RERE: variants seen among roughly 807,000 people sequenced by gnomAD.
The protein encoded by RERE is arginine-glutamic acid dipeptide repeats protein.
Under a neutral mutation model 146.1 loss-of-function variants are expected in RERE, and 40 were observed. The observed-to-expected ratio is 0.27, with a 90% CI of 0.21 to 0.36. The LOEUF is 0.36. RERE is among the 10% of genes least tolerant of loss of function. The pLI, the probability that RERE is intolerant of heterozygous loss-of-function variation, is 1.00. For synonymous variants in RERE, 1,003 were observed against 866.0 expected (o/e 1.16, Z -2.78); for missense variants, 1,933 against 2,138.7 (o/e 0.90, Z 1.90).
At chr1:8,609,897 T>C (rs1170287312) in intron 4 of RERE, among the ~76,000 whole-genome samples, 1 of 152,092 alleles carries the variant, frequency 6.6e-6, no homozygotes, top group Admixed American at 6.5e-5. Context: ...GCCTCCTGAG[T>C]AGCTGCAACT....
intron 12 of RERE, among the ~76,000 whole-genome samples, chr1:8,390,471 G>C (rs866968654): frequency 3.9e-5 from 6 of 152,210 alleles, no homozygotes; most frequent in African/African-American, 7.2e-5. Context: ...AGTCCGAACT[G>C]TATCAATAAC....
At position 8,358,346 on chromosome 1, in the gene RERE, C is replaced by T. The variant is rs1481358827; in HGVS notation, c.4189G>A (p.Ala1397Thr). 5 of 1,613,050 alleles carry T rather than the reference C, an allele frequency of 3.1e-6. No individual in the cohort carries two copies. The highest frequency in any genetic ancestry group is 1.1e-5 in the South Asian group (1 of 91,070). Residue 1397 changes from alanine to threonine, a missense_variant, in exon 20 of 23, where the codon GCA becomes ACA. Ala to Thr is a moderately conservative substitution (Grantham distance 58, BLOSUM62 0). This residue lies in a region of RERE where 47 missense variants were observed against 58.6 expected (regional missense o/e 0.80). Transcript: ENST00000400908. ...RPEMSYPDRL[A>T]AERIHAERMA... Reference sequence around the variant, plus strand: ...CGCTCTGCGTGGATACGCTCGGCTGCCAGTCTGTCAGGGTAGCTCATCTCG... The same window carrying T: ...CGCTCTGCGTGGATACGCTCGGCTGTCAGTCTGTCAGGGTAGCTCATCTCG...
At chr1:8,738,801 A>C (rs1156826342) in intron 1 of RERE, among the ~76,000 whole-genome samples, 2 of 152,168 alleles carry the variant, frequency 1.3e-5, no homozygotes, top group South Asian at 4.1e-4. Context: ...TTTCATGTGA[A>C]CAGGCTGTAA....
At chr1:8,789,301 A>AAATATATATAT in intron 1 of RERE, among the ~76,000 whole-genome samples, 5 of 24,816 alleles carry the variant, frequency 2.0e-4, no homozygotes, top group African/African-American at 9.2e-4. Context: ...AAAAAAAAAA[A>AAATATATATAT]ATATATATAT....
chr1:8,542,010 A>C (rs1318346234), intron 6 of RERE, among the ~76,000 whole-genome samples: 7 of 152,186 alleles, frequency 4.6e-5, no homozygotes, highest in Admixed American at 2.0e-4. Context: ...AGTTAAACCA[A>C]CCTGTAGTTG....
At chr1:8,506,767 C>T (rs1204693839) in intron 8 of RERE, among the ~76,000 whole-genome samples, 1 of 152,196 alleles carries the variant, frequency 6.6e-6, no homozygotes, top group African/African-American at 2.4e-5. Flanking sequence ...AAAAGAAGTC[C>T]AATTCTTTCT....
At chr1:8,527,722 C>G (rs992486385) in intron 7 of RERE, among the ~76,000 whole-genome samples, 1 of 152,184 alleles carries the variant, frequency 6.6e-6, no homozygotes, top group Admixed American at 6.5e-5. Context: ...ATTGTCTTTC[C>G]TGGTGCTGGC....
chr1:8,796,156 A>T (rs1641469817), intron 1 of RERE, among the ~76,000 whole-genome samples: 1 of 152,116 alleles, frequency 6.6e-6, no homozygotes, highest in South Asian at 2.1e-4. Context: ...CAGATCTCAG[A>T]TCTCATCTTG....
At chr1:8,777,846 T>C (rs923890922) in intron 1 of RERE, among the ~76,000 whole-genome samples, 2 of 150,770 alleles carry the variant, frequency 1.3e-5, no homozygotes, top group African/African-American at 2.4e-5. Flanking sequence ...CAAAGTGTCA[T>C]ACTTTTAATA....
At chr1:8,422,861 CAGCAA>C (rs2124472578) in intron 11 of RERE, 54 bp from the exon 12 acceptor site, 3 of 1,302,872 alleles carry the variant, frequency 2.3e-6, no homozygotes, top group East Asian at 4.6e-5. Flanking sequence ...AACAGGATGT[CAGCAA>C]AGCAAAGATA....
intron 1 of RERE, among the ~76,000 whole-genome samples, chr1:8,699,398 C>T (rs1392221127): frequency 6.6e-6 from 1 of 152,190 alleles, no homozygotes; most frequent in Non-Finnish European, 1.5e-5. Flanking sequence ...TCAATGATAA[C>T]ATTAAAAATT....
At chr1:8,497,262 C>A in intron 9 of RERE, 143 bp downstream of exon 9, 1 of 737,810 alleles carries the variant, frequency 1.4e-6, no homozygotes. Context: ...GCCAGGGTCC[C>A]GATTACAGAG....
chr1:8,738,160 G>C (rs1040897275), intron 1 of RERE, among the ~76,000 whole-genome samples: 1 of 152,056 alleles, frequency 6.6e-6, no homozygotes, highest in African/African-American at 2.4e-5. Flanking sequence ...CTCTCTTCAC[G>C]GGGCAAACCT....
At chr1:8,598,225 C>T (rs1001358910) in intron 4 of RERE, among the ~76,000 whole-genome samples, 22 of 152,156 alleles carry the variant, frequency 1.4e-4, no homozygotes, top group Non-Finnish European at 2.9e-4. Flanking sequence ...GCTCTTGCTC[C>T]CAGACTCCCT....
In RERE at chr1:8,356,137, G is replaced by A. The variant is rs778643340; in HGVS notation, c.4449C>T (p.Pro1483=). 1 of 1,513,286 alleles carries A rather than the reference G, an allele frequency of 6.6e-7. No homozygotes were observed. Among genetic ancestry groups the A allele is most frequent in the South Asian group, 1.3e-5 (1 of 78,258 alleles). 93.7% of individuals were successfully genotyped at this position (1,513,286 alleles called of 1,614,324 possible). The change falls in exon 21 of 23, where the codon CCC becomes CCT. Residue 1483 remains proline, a synonymous_variant. Coordinates refer to ENST00000400908, the MANE Select transcript of RERE (RefSeq NM_001042681.2). The surrounding 1 kb of genome is among the most constrained non-coding windows in gnomAD (Gnocchi z 5.2). ...GGCGAAGCATCTCGTGCTCGTGTGGGGGCTGTCCAAGCAGAGGGTTGGGGA... is the reference window on the plus strand; with the variant it reads ...GGCGAAGCATCTCGTGCTCGTGTGGAGGCTGTCCAAGCAGAGGGTTGGGGA... The part of the protein sequence containing the change: ...GTLPNPLLGQ[P]PHEHEMLRHP...
At chr1:8,478,530 G>A (rs140510484) in intron 10 of RERE, among the ~76,000 whole-genome samples, 152 of 152,196 alleles carry the variant, frequency 1.0e-3, no homozygotes, top group African/African-American at 3.1e-3. Context: ...GGAGTGGGGC[G>A]CCCCAGTGTC....
chr1:8,570,074 C>G (rs969934106), intron 4 of RERE, among the ~76,000 whole-genome samples: 1 of 152,238 alleles, frequency 6.6e-6, no homozygotes, highest in East Asian at 1.9e-4. Context: ...TGCGGTGGCT[C>G]ATGCCTGTAA....
chr1:8,433,464 A>G (rs906520015), intron 11 of RERE, among the ~76,000 whole-genome samples: 5 of 151,862 alleles, frequency 3.3e-5, no homozygotes, highest in Non-Finnish European at 5.9e-5. Context: ...CACAAAAAAG[A>G]CCTGTTTCCC....
intron 1 of RERE, among the ~76,000 whole-genome samples, chr1:8,812,474 C>G (rs1641831509): frequency 6.6e-6 from 1 of 152,170 alleles, no homozygotes; most frequent in Admixed American, 6.5e-5. Flanking sequence ...TGGTAAAACC[C>G]TGTCTCTTCT....
Sources: gnomAD v4.1 joint callset for allele counts (sites outside exome capture counted in the v4.1 genomes callset) on GRCh38, gnomAD v4.1.1 for gene constraint, gnomAD v4.1.1 regional missense constraint, Gnocchi (gnomAD v3.1) non-coding constraint, MANE v1.5 for transcripts, NCBI Gene and HGNC (gene_info 2026-07-23, HGNC 2026-07-21) for gene names.